The following EML2 variants were observed in gnomAD, a reference collection of about 807,000 sequenced individuals.
The protein encoded by EML2 is EMAP like 2, also known as echinoderm microtubule-associated protein-like 2.
A neutral mutation model predicts 84.7 loss-of-function variants in EML2; 59 were observed. The observed-to-expected ratio is 0.70, with a 90% CI of 0.56 to 0.86. The LOEUF (loss-of-function observed/expected upper bound fraction) is 0.86. Among genes scored for constraint, EML2 ranks in the 40% least tolerant of loss-of-function variants. The pLI, the probability that EML2 is intolerant of heterozygous loss-of-function variation, is 0.00. For missense variants in EML2, 818 were observed against 855.6 expected (o/e 0.96, Z 0.55); for synonymous variants, 352 against 348.9 (o/e 1.01, Z -0.10).
At chr19:45,626,960 CTT>C (rs5828242) in intron 7 of EML2, 121 bp from the exon 8 acceptor site, 7,244 of 520,964 alleles carry the variant, frequency 0.014, no homozygotes, top group South Asian at 0.02. Flanking sequence ...CTGAACTTTT[CTT>C]TTTTTTTTTT....
At chr19:45,631,177 A>G (rs1314788910) in intron 6 of EML2, among the ~76,000 whole-genome samples, 1 of 151,994 alleles carries the variant, frequency 6.6e-6, no homozygotes, top group Non-Finnish European at 1.5e-5. Flanking sequence ...TTCATTAAAT[A>G]CAGGTTAATT....
rs1256591028 is a variant in EML2 at position 45,633,619 on chromosome 19, GTTCC to G, written c.330-484_330-481del. ...CTGGGCGTGGTGGCGGGCACCTGTA[GTTCC>G]AGCTACTCGGGAGACTGAGGCAGGA... On this transcript the variant is annotated intron_variant, in intron 4 of 18. Transcript: ENST00000245925. 3.3e-5 allele frequency among the ~76,000 whole-genome samples: 5 copies of G among 152,242 alleles called. No homozygotes were observed. The East Asian group carries it at 9.6e-4, about 29-fold the overall frequency.
chr19:45,626,919 T>TA (rs1972413174), intron 7 of EML2, 80 bp from the exon 8 acceptor site: 1 of 1,386,404 alleles, frequency 7.2e-7, no homozygotes, highest in African/African-American at 1.5e-5. Flanking sequence ...AGGACTGCCC[T>TA]AAACGGCTGT....
chr19:45,611,109 G>T (rs1970449536), intron 18 of EML2, among the ~76,000 whole-genome samples: 1 of 151,308 alleles, frequency 6.6e-6, no homozygotes, highest in Non-Finnish European at 1.5e-5. Flanking sequence ...TAGGGATGAG[G>T]CATGTAAGAA....
At position 45,616,770 on chromosome 19, in the gene EML2, G is replaced by T; in HGVS notation, c.1406C>A (p.Ser469Tyr). The T allele has an allele frequency of 6.2e-7, 1 of 1,612,902 alleles. No individual in the cohort carries two copies. Among genetic ancestry groups the T allele is most frequent in the Non-Finnish European group, 8.5e-7 (1 of 1,179,708 alleles). ...GTCCCAGGCCTGCCGCTTACCTGGG[G>T]AGAAGCTGACCACTGAGATCTGTTC... ...GNEQISVVSF[S>Y]PDGAYLAVGS... Residue 469 changes from serine (S) to tyrosine (Y), a missense_variant, in exon 14 of 19, where the codon TCC (serine) becomes TAC (tyrosine). Coordinates refer to ENST00000245925, the MANE Select transcript of EML2 (RefSeq NM_012155.4).
At chr19:45,623,376 A>AT (rs1441723292) in intron 9 of EML2, 1 of 150,406 alleles carries the variant, frequency 6.6e-6, no homozygotes, top group Non-Finnish European at 1.5e-5. Flanking sequence ...TCTACAACAA[A>AT]TACAAAAATT....
intron 15 of EML2, 126 bp from the exon 16 acceptor site, chr19:45,616,015 G>T (rs755956070): frequency 1.4e-6 from 1 of 728,898 alleles, no homozygotes; most frequent in African/African-American, 1.7e-5. Flanking sequence ...GGGACTAAAG[G>T]AAGGATACAC....
At chr19:45,618,981 G>A in intron 12 of EML2, 79 bp downstream of exon 12, 1 of 1,392,258 alleles carries the variant, frequency 7.2e-7, no homozygotes. Context: ...TTTGGTTTCA[G>A]TCTAATGTGC....
chr19:45,632,798 G>C, intron 6 of EML2, 63 bp downstream of exon 6: 7 of 1,427,590 alleles, frequency 4.9e-6, no homozygotes, highest in Non-Finnish European at 6.8e-6. Flanking sequence ...GGGTGAAAAG[G>C]TGCGGGCACT....
At chr19:45,616,197 C>A in intron 15 of EML2, 3 of 420,900 alleles carry the variant, frequency 7.1e-6, no homozygotes, top group South Asian at 3.9e-5. Flanking sequence ...CACAGAGGGG[C>A]GGTCTCGGAA....
In EML2 at chr19:45,634,298, C is replaced by T. The variant is rs372892948; in HGVS notation, c.329+24G>A. On this transcript the variant is annotated intron_variant, in intron 4 of 18. Transcript: ENST00000245925. ...TCCATCTCCAGCCACAGCTCCCTCC[C>T]GTCCCCTCTGTCCCACATCTCACCA... 30 of 1,612,162 alleles carry T rather than the reference C, an allele frequency of 1.9e-5. No individual in the cohort carries two copies. The East Asian group carries it at 2.0e-4, about 11-fold the overall frequency.
chr19:45,621,460 C>T, intron 10 of EML2, 23 bp downstream of exon 10: 1 of 1,603,662 alleles, frequency 6.2e-7, no homozygotes, highest in South Asian at 1.1e-5. Flanking sequence ...CTACCCCCAT[C>T]TGAGCCCACT....
chr19:45,617,735 G>A (rs373091267), intron 12 of EML2, 38 bp from the exon 13 acceptor site: 2 of 1,593,084 alleles, frequency 1.3e-6, no homozygotes, highest in African/African-American at 2.7e-5. Context: ...CTCAGAGCTG[G>A]GGTCCCATGT....
intron 13 of EML2, among the ~76,000 whole-genome samples, chr19:45,617,307 G>A (rs1971206146): frequency 6.6e-6 from 1 of 151,806 alleles, no homozygotes; most frequent in South Asian, 2.1e-4. Context: ...TGTAATCCTA[G>A]CACTTTGAGA....
chr19:45,633,287 C>CGGGT, intron 4 of EML2, 148 bp from the exon 5 acceptor site: 1 of 785,332 alleles, frequency 1.3e-6, no homozygotes, highest in Non-Finnish European at 2.1e-6. Flanking sequence ...GGATGCCCTC[C>CGGGT]GGGTGCGCTG....
In EML2 at chr19:45,613,343, C is replaced by G. The variant is rs16979937; in HGVS notation, c.1824+198G>C. ...GCAGTTGCTCAGAACTTCAGAGAAC[C>G]AGGTCTTCACCATGACACACTGAAA... On this transcript the variant is annotated intron_variant, in intron 18 of 18. Transcript: ENST00000245925. Among the ~76,000 whole-genome samples the G allele has an allele frequency of 1.6e-3, 237 of 152,228 alleles. 4 individuals are homozygous for G. In the East Asian group the frequency reaches 0.038, roughly 24 times the overall value.
chr19:45,645,388 G>GT (rs1432941639), upstream of EML2: 2 of 1,509,490 alleles, frequency 1.3e-6, no homozygotes, highest in East Asian at 5.2e-5. Flanking sequence ...CCCGGGCCCG[G>GT]TCCCCCCAAC....
At chr19:45,645,244 C>A (rs1252033169), upstream of EML2, 2 of 1,529,658 alleles carry the variant, frequency 1.3e-6, no homozygotes, top group Non-Finnish European at 1.7e-6. Context: ...TTGGGCGGGG[C>A]CAAGGTCGGA....
rs1320590915 is a variant in EML2, at chr19:45,632,964, G to A, written c.407C>T (p.Pro136Leu). The A allele has an allele frequency of 1.9e-6, 3 of 1,613,916 alleles. No homozygotes were observed. The highest frequency in any genetic ancestry group is 1.7e-6 in the Non-Finnish European group (2 of 1,179,972). ...TGAGTCCCAGATGCGCACGTGGGGC[G>A]GCAGCGGCTGCAGGGAAGAGAGGCT... is the stretch of plus-strand genomic sequence containing the variant. ...AGTTKEGKPL[P>L]PHVRIWDSVS... The change falls in exon 6 of 19, where the codon CCG (proline) becomes CTG (leucine). Residue 136 changes from proline to leucine, a missense_variant. Coordinates refer to ENST00000245925, the MANE Select transcript of EML2 (RefSeq NM_012155.4).
Sources: gnomAD v4.1 joint callset for allele counts (sites outside exome capture counted in the v4.1 genomes callset) on GRCh38, gnomAD v4.1.1 for gene constraint, MANE v1.5 for transcripts, NCBI Gene and HGNC (gene_info 2026-07-23, HGNC 2026-07-21) for gene names.